CCNY: variants seen among roughly 807,000 people sequenced by gnomAD.
CCNY encodes the protein cyclin-Y.
Under a neutral mutation model 42.8 loss-of-function variants are expected in CCNY, and 19 were observed. The observed-to-expected ratio is 0.44, with a 90% CI of 0.31 to 0.65. The LOEUF is 0.65. Among genes scored for constraint, CCNY ranks in the 30% least tolerant of loss-of-function variants. The pLI is 0.07. For missense variants in CCNY, 370 were observed against 437.3 expected, an observed-to-expected ratio of 0.85 and a Z score of 1.37; for synonymous variants, 165 against 162.7, an observed-to-expected ratio of 1.01 and a Z score of -0.11.
Position 35,418,584 on chromosome 10 carries a change from G to T in CCNY, c.155-64820G>T, listed in dbSNP as rs921495858. Among the ~76,000 whole-genome samples the T allele has an allele frequency of 3.5e-4, 53 of 152,156 alleles. 1 individual carries two copies. Among genetic ancestry groups the T allele is most frequent in the Non-Finnish European group, 4.4e-5 (3 of 68,032 alleles). ...GTGGTGCCCCATAACAATGATAACA[G>T]ATGGGGTAAGCGGTAACTGAGAATA... On this transcript the variant is annotated intron_variant, in intron 1 of 9. Coordinates refer to ENST00000374704, the MANE Select transcript of CCNY (RefSeq NM_145012.6).
chr10:35,371,190 C>T (rs1255695754), intron 1 of CCNY, among the ~76,000 whole-genome samples: 3 of 152,156 alleles, frequency 2.0e-5, no homozygotes, highest in African/African-American at 4.8e-5. Context: ...ACCGCCCAGC[C>T]CAGTGCTGGG....
intron 2 of CCNY, among the ~76,000 whole-genome samples, chr10:35,489,138 G>C (rs528746284): frequency 6.6e-6 from 1 of 152,108 alleles, no homozygotes; most frequent in Admixed American, 6.5e-5. Flanking sequence ...CTAACTGGGC[G>C]TGGTGGCAGG....
chr10:35,423,583 A>T (rs1838205789), intron 1 of CCNY, among the ~76,000 whole-genome samples: 1 of 151,144 alleles, frequency 6.6e-6, no homozygotes, highest in African/African-American at 2.4e-5. Flanking sequence ...GGTACACTGT[A>T]CATTTTATTA....
At chr10:35,436,025 A>G (rs1340714250) in intron 1 of CCNY, among the ~76,000 whole-genome samples, 4 of 152,102 alleles carry the variant, frequency 2.6e-5, no homozygotes, top group African/African-American at 7.2e-5. Context: ...TGAAATTTGG[A>G]TAGTGGACAA....
intron 7 of CCNY, among the ~76,000 whole-genome samples, chr10:35,537,445 G>A (rs1840909259): frequency 6.6e-6 from 1 of 152,196 alleles, no homozygotes. Context: ...TCCACCAGCA[G>A]CTTGCACCAT....
intron 1 of CCNY, among the ~76,000 whole-genome samples, chr10:35,393,376 C>T (rs1324514465): frequency 5.9e-5 from 9 of 152,152 alleles, no homozygotes; most frequent in Non-Finnish European, 1.3e-4. Context: ...ACTCAGAAAT[C>T]GTGGCCTGGT....
chr10:35,410,318 A>G (rs770438831), intron 1 of CCNY, among the ~76,000 whole-genome samples: 3 of 152,184 alleles, frequency 2.0e-5, no homozygotes, highest in East Asian at 1.9e-4. Context: ...GTTTTCTCCA[A>G]CTTTCTTCCC....
At chr10:35,339,947 C>T (rs1015755093) in intron 1 of CCNY, among the ~76,000 whole-genome samples, 94 of 152,262 alleles carry the variant, frequency 6.2e-4, no homozygotes, top group Middle Eastern at 3.4e-3. Context: ...AACAGCAACA[C>T]ATAACAACAA....
intron 1 of CCNY, among the ~76,000 whole-genome samples, chr10:35,448,206 A>G (rs895547232): frequency 6.6e-6 from 1 of 152,224 alleles, no homozygotes; most frequent in Non-Finnish European, 1.5e-5. Flanking sequence ...AACTCATTCA[A>G]CAAGTAATGG....
At position 35,253,773 on chromosome 10, in the gene CCNY, T is replaced by C. The variant is rs549575405; in HGVS notation, c.-9+3147T>C. Among the ~76,000 whole-genome samples, 10 of 152,264 alleles carry C rather than the reference T, an allele frequency of 6.6e-5. No individual in the cohort carries two copies. The South Asian group carries it at 1.5e-3, about 22-fold the overall frequency. On this transcript the variant is annotated intron_variant, in intron 3 of 11. Coordinates refer to the CCNY transcript ENST00000374706. Reference sequence around the variant, plus strand: ...AACTGAATAGTGTTGGAAATACCTGTTGAGTCATTAGAAGCCAAGGAAAAT... The same window carrying C: ...AACTGAATAGTGTTGGAAATACCTGCTGAGTCATTAGAAGCCAAGGAAAAT...
intron 8 of CCNY, among the ~76,000 whole-genome samples, chr10:35,555,175 G>A (rs1042311860): frequency 6.6e-6 from 1 of 152,126 alleles, no homozygotes; most frequent in Admixed American, 6.5e-5. Flanking sequence ...GTTCAATAAT[G>A]CTCCAACAAA....
At chr10:35,319,111 C>A (rs77061590) in intron 3 of CCNY, among the ~76,000 whole-genome samples, 1 of 152,008 alleles carries the variant, frequency 6.6e-6, no homozygotes, top group African/African-American at 2.4e-5. Context: ...CAGAGGTGTG[C>A]GCCACCATGC....
intron 3 of CCNY, among the ~76,000 whole-genome samples, chr10:35,274,348 A>G (rs573772889): frequency 6.6e-6 from 1 of 152,250 alleles, no homozygotes; most frequent in Admixed American, 6.5e-5. Flanking sequence ...GAATTATGGG[A>G]GCTACAATGC....
intron 3 of CCNY, among the ~76,000 whole-genome samples, chr10:35,512,473 G>T (rs1840343306): frequency 6.6e-6 from 1 of 152,166 alleles, no homozygotes. Flanking sequence ...CCAGAAAGAT[G>T]GGGGAAAGCA....
intron 3 of CCNY, among the ~76,000 whole-genome samples, chr10:35,503,076 C>G (rs1840142919): frequency 6.6e-6 from 1 of 152,118 alleles, no homozygotes; most frequent in South Asian, 2.1e-4. Context: ...CCTCTTTTAA[C>G]ATCCCTGCAC....
intron 1 of CCNY, among the ~76,000 whole-genome samples, chr10:35,247,391 C>G (rs976095264): frequency 1.3e-5 from 2 of 151,410 alleles, no homozygotes; most frequent in Admixed American, 6.6e-5. Context: ...CCCAGCAGTT[C>G]AAGAACAACA....
intron 1 of CCNY, among the ~76,000 whole-genome samples, chr10:35,346,709 C>A (rs1248361426): frequency 6.6e-6 from 1 of 152,220 alleles, no homozygotes; most frequent in Non-Finnish European, 1.5e-5. Flanking sequence ...CACTGCAAAC[C>A]TCCGCCTCCT....
chr10:35,540,385 G>A lies in CCNY; in HGVS notation c.579+10142G>A, dbSNP rs574359469. ...ATATGTTAAATCAACCCCGCATTCCGGGATAATTCCCAGTTGGTCACAGTG... is the reference window on the plus strand; with the variant it reads ...ATATGTTAAATCAACCCCGCATTCCAGGATAATTCCCAGTTGGTCACAGTG... On this transcript the variant is annotated intron_variant, in intron 7 of 9. Transcript: ENST00000374704. Among the ~76,000 whole-genome samples, 7 of 152,222 alleles carry A rather than the reference G, an allele frequency of 4.6e-5. No individual in the cohort carries two copies. The East Asian group carries it at 7.7e-4, about 17-fold the overall frequency.
intron 2 of CCNY, 101 bp from the exon 3 acceptor site, chr10:35,501,400 T>G: frequency 1.1e-6 from 1 of 926,380 alleles, no homozygotes; most frequent in Non-Finnish European, 1.8e-6. Context: ...TGTTGGTTGG[T>G]GGAAGGACGG....
Sources: gnomAD v4.1 joint callset for allele counts (sites outside exome capture counted in the v4.1 genomes callset) on GRCh38, gnomAD v4.1.1 for gene constraint, MANE v1.5 for transcripts, NCBI Gene and HGNC (gene_info 2026-07-23, HGNC 2026-07-21) for gene names.